The following SMYD3 variants were observed in gnomAD, a reference collection of about 807,000 sequenced individuals.
SMYD3 encodes histone-lysine N-methyltransferase SMYD3.
A neutral mutation model predicts 57.7 loss-of-function variants in SMYD3; 36 were observed. The ratio of observed to expected loss-of-function variants is 0.62; its 90% CI spans 0.48 to 0.82. The LOEUF is 0.82. SMYD3 is among the 40% of genes least tolerant of loss of function. The probability of loss-of-function intolerance (pLI) is 0.00; values close to 1 mark genes in which losing one functional copy is unlikely to be tolerated. For missense variants in SMYD3, 515 were observed against 538.8 expected, an observed-to-expected ratio of 0.96 and a Z score of 0.44; for synonymous variants, 211 against 195.0, an observed-to-expected ratio of 1.08 and a Z score of -0.68.
intron 5 of SMYD3, among the ~76,000 whole-genome samples, chr1:246,041,094 G>A (rs1204916119): frequency 1.3e-5 from 2 of 152,120 alleles, no homozygotes; most frequent in Non-Finnish European, 2.9e-5. Flanking sequence ...TGTTAAAATT[G>A]CCTCAGCATT....
intron 5 of SMYD3, among the ~76,000 whole-genome samples, chr1:246,298,072 C>T (rs1334904831): frequency 6.6e-6 from 1 of 151,950 alleles, no homozygotes; most frequent in Non-Finnish European, 1.5e-5. Flanking sequence ...CTTGCTACAC[C>T]CTCTTCTGGA....
intron 10 of SMYD3, among the ~76,000 whole-genome samples, chr1:245,801,570 T>C (rs1346655606): frequency 2.6e-5 from 4 of 152,202 alleles, no homozygotes; most frequent in African/African-American, 9.7e-5. Flanking sequence ...TGGTAGTTAA[T>C]CCAGCAGACT....
chr1:246,170,767 G>A (rs1442649524), intron 5 of SMYD3, among the ~76,000 whole-genome samples: 9 of 152,014 alleles, frequency 5.9e-5, no homozygotes, highest in Admixed American at 5.9e-4. Context: ...AAACGTAGTC[G>A]AGAAAGACTG....
intron 5 of SMYD3, among the ~76,000 whole-genome samples, chr1:246,194,631 C>G (rs142170522): frequency 1.3e-5 from 2 of 152,184 alleles, no homozygotes; most frequent in Non-Finnish European, 2.9e-5. Flanking sequence ...CCATCTAGAG[C>G]TGTGCTATCC....
At chr1:245,829,439 C>A (rs1201472800) in intron 10 of SMYD3, among the ~76,000 whole-genome samples, 1 of 151,992 alleles carries the variant, frequency 6.6e-6, no homozygotes, top group Non-Finnish European at 1.5e-5. Flanking sequence ...GAGATACTAC[C>A]GCCCATCCAC....
chr1:246,238,495 A>G (rs1284699018), intron 5 of SMYD3, among the ~76,000 whole-genome samples: 1 of 152,206 alleles, frequency 6.6e-6, no homozygotes, highest in Admixed American at 6.5e-5. Flanking sequence ...AACAGGCAGC[A>G]TTCACAATAT....
At chr1:245,994,414 C>T (rs2058881722) in intron 5 of SMYD3, among the ~76,000 whole-genome samples, 1 of 152,124 alleles carries the variant, frequency 6.6e-6, no homozygotes, top group African/African-American at 2.4e-5. Context: ...GATGAGAGGC[C>T]CTGGCCATCG....
chr1:246,166,117 G>T, intron 5 of SMYD3, among the ~76,000 whole-genome samples: 1 of 151,928 alleles, frequency 6.6e-6, no homozygotes, highest in Non-Finnish European at 1.5e-5. Flanking sequence ...AAAAGAAGAA[G>T]AAAAGCACTA....
chr1:246,409,313 G>A (rs868213069), intron 1 of SMYD3, among the ~76,000 whole-genome samples: 77 of 152,186 alleles, frequency 5.1e-4, no homozygotes, highest in African/African-American at 1.9e-3. Context: ...TTTTAGGTCT[G>A]ACATGTAAGT....
chr1:246,319,408 C>T (rs1412653332), intron 5 of SMYD3, among the ~76,000 whole-genome samples: 3 of 152,170 alleles, frequency 2.0e-5, no homozygotes, highest in Admixed American at 6.5e-5. Flanking sequence ...TATTTAATGG[C>T]ATATTTTTCC....
At chr1:246,019,528 A>C (rs1190727798) in intron 5 of SMYD3, among the ~76,000 whole-genome samples, 1 of 152,196 alleles carries the variant, frequency 6.6e-6, no homozygotes, top group Non-Finnish European at 1.5e-5. Flanking sequence ...TGTCAAAAAG[A>C]CCAACCAAAA....
chr1:246,009,261 T>C (rs2059233539), intron 5 of SMYD3, among the ~76,000 whole-genome samples: 1 of 152,154 alleles, frequency 6.6e-6, no homozygotes, highest in Non-Finnish European at 1.5e-5. Flanking sequence ...ATTCATGTAT[T>C]GGGGGCTATA....
At chr1:246,442,340 C>CAAGGTCGG (rs1558466982) in intron 1 of SMYD3, among the ~76,000 whole-genome samples, 4 of 151,842 alleles carry the variant, frequency 2.6e-5, no homozygotes, top group African/African-American at 9.7e-5. Flanking sequence ...GCTGAGGTCA[C>CAAGGTCGG]GAGTTCAAGA....
At chr1:246,167,258 G>C (rs192448327) in intron 5 of SMYD3, among the ~76,000 whole-genome samples, 1 of 152,224 alleles carries the variant, frequency 6.6e-6, no homozygotes, top group Admixed American at 6.5e-5. Context: ...ATATGTATGT[G>C]AAATTAAGTA....
At chr1:245,838,521 A>T (rs2050215320) in intron 10 of SMYD3, among the ~76,000 whole-genome samples, 1 of 152,110 alleles carries the variant, frequency 6.6e-6, no homozygotes, top group Non-Finnish European at 1.5e-5. Context: ...CTAAATGGGG[A>T]CTCATAATTT....
At chr1:246,507,019 C>A (rs773395337) in intron 1 of SMYD3, 35 bp downstream of exon 1, 2 of 1,431,682 alleles carry the variant, frequency 1.4e-6, no homozygotes, top group African/African-American at 1.5e-5. Context: ...CCACACAGCT[C>A]GCGACTCAGG....
chr1:246,123,570 AAAC>A (rs2061457163), intron 5 of SMYD3, among the ~76,000 whole-genome samples: 1 of 129,604 alleles, frequency 7.7e-6, no homozygotes, highest in South Asian at 2.7e-4. Flanking sequence ...CTCCATCTCA[AAAC>A]ACACACACAC....
At chr1:246,046,155 G>T (rs1258203043) in intron 5 of SMYD3, among the ~76,000 whole-genome samples, 12 of 152,130 alleles carry the variant, frequency 7.9e-5, no homozygotes, top group Admixed American at 6.5e-4. Flanking sequence ...AAATCATGCT[G>T]CTATAAAGAC....
intron 10 of SMYD3, among the ~76,000 whole-genome samples, chr1:245,796,218 G>A (rs2047515560): frequency 6.6e-6 from 1 of 151,912 alleles, no homozygotes; most frequent in Non-Finnish European, 1.5e-5. Flanking sequence ...TGGAACTTAA[G>A]GTATTATGTC....
Sources: gnomAD v4.1 joint callset for allele counts (sites outside exome capture counted in the v4.1 genomes callset) on GRCh38, gnomAD v4.1.1 for gene constraint, MANE v1.5 for transcripts, NCBI Gene and HGNC (gene_info 2026-07-23, HGNC 2026-07-21) for gene names.